The following ABL1 variants were observed in gnomAD, a reference collection of about 807,000 sequenced individuals.
The protein encoded by ABL1 is ABL proto-oncogene 1, non-receptor tyrosine kinase, also known as tyrosine-protein kinase ABL1.
Under a neutral mutation model 94.7 loss-of-function variants are expected in ABL1, and 11 were observed. That is an observed-to-expected ratio of 0.12 (90% confidence interval 0.07 to 0.19). The LOEUF is 0.19. ABL1 is among the 10% of genes least tolerant of loss of function. ABL1 has a pLI of 1.00. For missense variants in ABL1, 1,082 were observed against 1,489.4 expected, an observed-to-expected ratio of 0.73 and a Z score of 4.50; for synonymous variants, 656 against 622.4, an observed-to-expected ratio of 1.05 and a Z score of -0.80.
chr9:130,839,766 A>T (rs1830641724), intron 1 of ABL1, among the ~76,000 whole-genome samples: 1 of 152,180 alleles, frequency 6.6e-6, no homozygotes, highest in Non-Finnish European at 1.5e-5. Context: ...TGAAACTGGT[A>T]AGAGTTAAAT....
chr9:130,714,245 A>T, exon 1 of ABL1: 1 of 1,440,528 alleles, frequency 6.9e-7, no homozygotes, highest in Non-Finnish European at 9.2e-7. Flanking sequence ...CGTATATGCC[A>T]TTTCCCTCTA....
chr9:130,843,034 G>A (rs1219634175), intron 1 of ABL1, among the ~76,000 whole-genome samples: 1 of 152,174 alleles, frequency 6.6e-6, no homozygotes, highest in African/African-American at 2.4e-5. Context: ...AGGTTTTCCT[G>A]GTCAGGTTGC....
intron 1 of ABL1, among the ~76,000 whole-genome samples, chr9:130,722,163 C>T (rs1254592489): frequency 6.6e-6 from 1 of 151,904 alleles, no homozygotes; most frequent in Non-Finnish European, 1.5e-5. Flanking sequence ...GAGGCTGAGG[C>T]GGGTGGATCA....
chr9:130,768,119 A>G (rs920392500), intron 1 of ABL1, among the ~76,000 whole-genome samples: 2 of 152,186 alleles, frequency 1.3e-5, no homozygotes, highest in Admixed American at 6.5e-5. Context: ...CATCACCCAG[A>G]TGGGAGAGCC....
In ABL1 at chr9:130,862,171, C is replaced by G. The variant is rs995729020; in HGVS notation, c.550-592C>G. On this transcript the variant is annotated intron_variant, in intron 3 of 10. Transcript: ENST00000318560. This position sits in a 1 kb window ranked among gnomAD's most constrained non-coding sequence, Gnocchi z 5.5. ...CTTCGCTTTTCCTACCAGCAACTAC[C>G]CACCAAGTTCTACCATGTGTTAATT... Among the ~76,000 whole-genome samples the G allele has an allele frequency of 1.3e-5, 2 of 152,156 alleles. No individual in the cohort carries two copies. The highest frequency in any genetic ancestry group is 2.9e-5 in the Non-Finnish European group (2 of 68,032).
At chr9:130,765,285 G>C (rs562480212) in intron 1 of ABL1, among the ~76,000 whole-genome samples, 125 of 152,204 alleles carry the variant, frequency 8.2e-4, no homozygotes, top group African/African-American at 3.0e-3. Context: ...CTTTGGTTTG[G>C]TTATGACAGT....
intron 1 of ABL1, among the ~76,000 whole-genome samples, chr9:130,801,233 T>A (rs1015137492): frequency 6.6e-6 from 1 of 150,900 alleles, no homozygotes; most frequent in East Asian, 2.0e-4. Flanking sequence ...CCGGCCCTTT[T>A]TCCTTTCTTT....
At chr9:130,868,777 C>T (rs950528096) in intron 4 of ABL1, among the ~76,000 whole-genome samples, 28 of 151,936 alleles carry the variant, frequency 1.8e-4, no homozygotes, top group Non-Finnish European at 2.8e-4. Context: ...GTCTCGGCCC[C>T]CCAGAGAGGC....
intron 1 of ABL1, among the ~76,000 whole-genome samples, chr9:130,718,790 G>A (rs1286921680): frequency 6.6e-6 from 1 of 152,148 alleles, no homozygotes; most frequent in Non-Finnish European, 1.5e-5. Flanking sequence ...GCTGAGGTGG[G>A]AGGGTCACTT....
chr9:130,879,820 T>C (rs1831421769), intron 8 of ABL1, among the ~76,000 whole-genome samples: 1 of 152,258 alleles, frequency 6.6e-6, no homozygotes, highest in East Asian at 1.9e-4. Flanking sequence ...TATTTGTAAA[T>C]GCAGTTCTTG....
intron 1 of ABL1, among the ~76,000 whole-genome samples, chr9:130,729,182 CAG>C (rs772100430): frequency 2.0e-5 from 3 of 152,128 alleles, no homozygotes; most frequent in Admixed American, 6.6e-5. Flanking sequence ...AACAAAATAA[CAG>C]AGGTGCTCAG....
chr9:130,834,336 C>T (rs1830531878), upstream of ABL1, among the ~76,000 whole-genome samples: 1 of 152,128 alleles, frequency 6.6e-6, no homozygotes, highest in African/African-American at 2.4e-5. Context: ...CTTTTCCTGT[C>T]ATGAGGGGAA....
intron 1 of ABL1, among the ~76,000 whole-genome samples, chr9:130,765,176 A>G (rs1241341672): frequency 1.3e-5 from 2 of 152,024 alleles, no homozygotes; most frequent in Non-Finnish European, 1.5e-5. Flanking sequence ...GTGCAGTCTC[A>G]TGTTTGGTTA....
intron 1 of ABL1, among the ~76,000 whole-genome samples, chr9:130,848,934 C>G (rs538340727): frequency 6.6e-6 from 1 of 151,310 alleles, no homozygotes; most frequent in African/African-American, 2.4e-5. Flanking sequence ...AACGAGACTC[C>G]GTCTCGAGAA....
At chr9:130,874,442 T>G (rs1339735680) in intron 6 of ABL1, among the ~76,000 whole-genome samples, 1 of 152,242 alleles carries the variant, frequency 6.6e-6, no homozygotes, top group East Asian at 1.9e-4. Flanking sequence ...AATCAAGGAC[T>G]GGGCTCAGTG....
chr9:130,772,131 C>T lies in ABL1; in HGVS notation c.136+57676C>T, dbSNP rs1832260641. Among the ~76,000 whole-genome samples the T allele has an allele frequency of 2.6e-5, 4 of 152,196 alleles. No individual in the cohort carries two copies. In the South Asian group the frequency reaches 8.3e-4, roughly 32 times the overall value. On this transcript the variant is annotated intron_variant, in intron 1 of 10. Coordinates refer to the ABL1 transcript ENST00000372348. ...ATGTTAACATTTCAGTTGTGATTCT[C>T]TTGAAGCACAGTATTTCCCTGCCTT...
intron 1 of ABL1, among the ~76,000 whole-genome samples, chr9:130,803,130 C>T (rs532544293): frequency 2.0e-5 from 3 of 152,296 alleles, no homozygotes; most frequent in South Asian, 4.1e-4. Context: ...ACCCCTACCT[C>T]CCGGGTTCAA....
intron 1 of ABL1, among the ~76,000 whole-genome samples, chr9:130,729,487 G>A (rs1831634046): frequency 6.6e-6 from 1 of 152,194 alleles, no homozygotes; most frequent in African/African-American, 2.4e-5. Context: ...GCTGCTGTCA[G>A]TTTAGGTTTC....
intron 1 of ABL1, among the ~76,000 whole-genome samples, chr9:130,750,352 GA>G (rs199993984): frequency 0.018 from 2,666 of 146,252 alleles, 116 homozygotes; most frequent in African/African-American, 0.064. Flanking sequence ...TAAAGAGGAG[GA>G]AAAAAAATCC....
Sources: gnomAD v4.1 joint callset for allele counts (sites outside exome capture counted in the v4.1 genomes callset) on GRCh38, gnomAD v4.1.1 for gene constraint, Gnocchi (gnomAD v3.1) non-coding constraint, MANE v1.5 for transcripts, NCBI Gene and HGNC (gene_info 2026-07-23, HGNC 2026-07-21) for gene names.